Variants in ALOX5AP observed in about 807,000 individuals in gnomAD.
The protein encoded by ALOX5AP is arachidonate 5-lipoxygenase activating protein.
ALOX5AP carries 9 observed loss-of-function variants against 18.5 expected under a neutral mutation model. That is an observed-to-expected ratio of 0.49 (90% CI 0.29 to 0.85). The LOEUF (loss-of-function observed/expected upper bound fraction) is 0.85, where lower values mean the gene tolerates loss of function less well. Ranked by LOEUF, ALOX5AP falls within the 40% of genes least tolerant of loss-of-function variation. ALOX5AP has a pLI of 0.08. For synonymous variants in ALOX5AP, 81 were observed against 78.6 expected, an observed-to-expected ratio of 1.03 and a Z score of -0.16; for missense variants, 172 against 202.5, an observed-to-expected ratio of 0.85 and a Z score of 0.91.
chr13:30,726,317 C>T (rs1488764547), intron 1 of ALOX5AP, among the ~76,000 whole-genome samples: 1 of 152,204 alleles, frequency 6.6e-6, no homozygotes, highest in Non-Finnish European at 1.5e-5. Flanking sequence ...GGAGTATGTA[C>T]TCTATGTGTC....
intron 2 of ALOX5AP, among the ~76,000 whole-genome samples, chr13:30,751,159 G>A (rs910345407): frequency 2.6e-5 from 4 of 152,300 alleles, no homozygotes; most frequent in Middle Eastern, 6.8e-3. Context: ...CGCCTCCCAG[G>A]TTCAAGTGAT....
intron 1 of ALOX5AP, among the ~76,000 whole-genome samples, chr13:30,739,694 C>A (rs112779601): frequency 3.9e-5 from 6 of 152,344 alleles, no homozygotes; most frequent in African/African-American, 4.8e-5. Context: ...CTCGACCTCC[C>A]AAAGTGCTGG....
chr13:30,735,266 C>T (rs976456347), upstream of ALOX5AP, among the ~76,000 whole-genome samples: 1 of 151,846 alleles, frequency 6.6e-6, no homozygotes, highest in Non-Finnish European at 1.5e-5. Flanking sequence ...GTGCTGGGCT[C>T]GTGCTGGTCA....
At chr13:30,734,521 C>T (rs1951705617), upstream of ALOX5AP, among the ~76,000 whole-genome samples, 1 of 152,200 alleles carries the variant, frequency 6.6e-6, no homozygotes, top group Non-Finnish European at 1.5e-5. Flanking sequence ...TTCCATGTAA[C>T]CTCAGAGGGA....
chr13:30,722,509 C>T (rs1247198270), intron 1 of ALOX5AP, among the ~76,000 whole-genome samples: 1 of 152,128 alleles, frequency 6.6e-6, no homozygotes, highest in Non-Finnish European at 1.5e-5. Flanking sequence ...ATGCATGACA[C>T]ATGGTATATA....
chr13:30,721,349 A>G (rs914548633), intron 1 of ALOX5AP, among the ~76,000 whole-genome samples: 6 of 152,192 alleles, frequency 3.9e-5, no homozygotes, highest in Non-Finnish European at 5.9e-5. Context: ...AATGGCCCCA[A>G]CCAAGTACTG....
intron 1 of ALOX5AP, among the ~76,000 whole-genome samples, chr13:30,718,301 C>T (rs1392632638): frequency 2.6e-5 from 4 of 151,386 alleles, no homozygotes; most frequent in African/African-American, 9.7e-5. Context: ...GTCTAACACA[C>T]TCAACATTAT....
chr13:30,715,256 C>T (rs967575091), intron 1 of ALOX5AP, among the ~76,000 whole-genome samples: 1 of 152,198 alleles, frequency 6.6e-6, no homozygotes, highest in Admixed American at 6.5e-5. Flanking sequence ...TAATATAATA[C>T]CTGTCTTATT....
intron 3 of ALOX5AP, among the ~76,000 whole-genome samples, chr13:30,754,180 G>A (rs1198833447): frequency 2.0e-5 from 3 of 152,144 alleles, no homozygotes; most frequent in Non-Finnish European, 2.9e-5. Flanking sequence ...CGGAGGTTGC[G>A]GTGAACCAAG....
intron 1 of ALOX5AP, among the ~76,000 whole-genome samples, chr13:30,724,503 A>T (rs1222531648): frequency 6.6e-6 from 1 of 152,208 alleles, no homozygotes; most frequent in African/African-American, 2.4e-5. Flanking sequence ...GCCTTAAGAC[A>T]CAACTGACAT....
chr13:30,715,766 C>T (rs1420736183), intron 1 of ALOX5AP, among the ~76,000 whole-genome samples: 1 of 151,944 alleles, frequency 6.6e-6, no homozygotes, highest in Admixed American at 6.6e-5. Flanking sequence ...CATGATCATC[C>T]CCTTGGGCTT....
chr13:30,717,637 A>G (rs891550909), intron 1 of ALOX5AP, among the ~76,000 whole-genome samples: 2 of 152,266 alleles, frequency 1.3e-5, no homozygotes, highest in African/African-American at 4.8e-5. Context: ...AAAGAGATGC[A>G]TAGGGCGAGG....
At chr13:30,736,133 G>A (rs1019908967) in intron 1 of ALOX5AP, among the ~76,000 whole-genome samples, 2 of 152,038 alleles carry the variant, frequency 1.3e-5, no homozygotes, top group African/African-American at 4.8e-5. Flanking sequence ...ATTTTGGGAG[G>A]TGCGTAGAAA....
chr13:30,724,968 A>G (rs1048326951), intron 1 of ALOX5AP, among the ~76,000 whole-genome samples: 2 of 152,188 alleles, frequency 1.3e-5, no homozygotes, highest in African/African-American at 2.4e-5. Context: ...TTGATGGAGG[A>G]AAAAACAAAT....
At chr13:30,747,325 T>C (rs17245176) in intron 2 of ALOX5AP, among the ~76,000 whole-genome samples, 1,595 of 152,312 alleles carry the variant, frequency 0.01, 13 homozygotes, top group Non-Finnish European at 0.018. Context: ...TATAGGCACA[T>C]GCCCCCATGC....
chr13:30,739,680 C>T (rs1176749725), intron 1 of ALOX5AP, among the ~76,000 whole-genome samples: 1 of 152,226 alleles, frequency 6.6e-6, no homozygotes, highest in Non-Finnish European at 1.5e-5. Flanking sequence ...AGTCATCCTC[C>T]TGCCTCGACC....
intron 1 of ALOX5AP, among the ~76,000 whole-genome samples, chr13:30,738,884 A>G (rs1297911338): frequency 6.6e-6 from 1 of 152,106 alleles, no homozygotes; most frequent in Non-Finnish European, 1.5e-5. Context: ...AGGGTTTGTG[A>G]GCATAGTGCT....
At chr13:30,729,291 C>T (rs920879601) in intron 1 of ALOX5AP, among the ~76,000 whole-genome samples, 1 of 152,056 alleles carries the variant, frequency 6.6e-6, no homozygotes, top group Non-Finnish European at 1.5e-5. Context: ...GTTTAAGACC[C>T]ATTTCTAGTT....
intron 4 of ALOX5AP, 92 bp from the exon 5 acceptor site, chr13:30,763,852 C>G: frequency 8.2e-7 from 1 of 1,215,962 alleles, no homozygotes; most frequent in African/African-American, 1.5e-5. Flanking sequence ...ATAATTTAAA[C>G]CCCATATATC....
Sources: allele counts gnomAD v4.1 joint callset (sites outside exome capture counted in the v4.1 genomes callset), GRCh38; gene constraint gnomAD v4.1.1; transcripts MANE v1.5; gene names NCBI Gene and HGNC (gene_info 2026-07-23, HGNC 2026-07-21).